ACMSD: variants seen among roughly 807,000 people sequenced by gnomAD.
ACMSD encodes the protein 2-amino-3-carboxymuconate-6-semialdehyde decarboxylase.
ACMSD carries 37 observed loss-of-function variants against 45.9 expected under a neutral mutation model. The ratio of observed to expected loss-of-function variants is 0.81; its 90% CI spans 0.62 to 1.06. The LOEUF is 1.06. ACMSD is among the 50% of genes least tolerant of loss of function. The probability of loss-of-function intolerance (pLI) is 0.00; values close to 1 mark genes in which losing one functional copy is unlikely to be tolerated. For synonymous variants in ACMSD, 138 were observed against 148.8 expected, an observed-to-expected ratio of 0.93 and a Z score of 0.53; for missense variants, 434 against 420.9, an observed-to-expected ratio of 1.03 and a Z score of -0.27.
At chr2:134,855,964 C>T (rs566324584) in intron 2 of ACMSD, among the ~76,000 whole-genome samples, 1 of 152,306 alleles carries the variant, frequency 6.6e-6, no homozygotes, top group South Asian at 2.1e-4. Context: ...CCCACTTGGA[C>T]ATTCTATGGG....
chr2:134,863,689 C>A (rs1462484069), intron 5 of ACMSD, 58 bp downstream of exon 5: 8 of 1,568,620 alleles, frequency 5.1e-6, no homozygotes, highest in South Asian at 2.2e-5. Context: ...CCGGGGGCAC[C>A]GCTGGGTGCT....
intron 2 of ACMSD, among the ~76,000 whole-genome samples, chr2:134,850,280 TTTTC>T (rs77931403): frequency 8.9e-6 from 1 of 112,708 alleles, no homozygotes; most frequent in Non-Finnish European, 1.8e-5. Flanking sequence ...TTTTTTTTTT[TTTTC>T]TGAGATGGAG....
chr2:134,856,944 T>C (rs373829439), intron 2 of ACMSD, among the ~76,000 whole-genome samples: 1 of 152,302 alleles, frequency 6.6e-6, no homozygotes, highest in East Asian at 1.9e-4. Context: ...ATTGGAATTT[T>C]GGGGGGCATT....
intron 2 of ACMSD, among the ~76,000 whole-genome samples, chr2:134,848,017 A>G (rs1687162215): frequency 6.6e-6 from 1 of 151,900 alleles, no homozygotes. Context: ...ATGCCCAGCT[A>G]ATTTTGTATT....
chr2:134,885,126 G>A (rs1427477193), intron 8 of ACMSD, among the ~76,000 whole-genome samples: 1 of 148,832 alleles, frequency 6.7e-6, no homozygotes, highest in Non-Finnish European at 1.5e-5. Context: ...AGCCTCGGAG[G>A]CAGAAGTTGC....
chr2:134,845,477 G>A (rs1224214102), intron 2 of ACMSD, among the ~76,000 whole-genome samples, 200 bp downstream of exon 2: 1 of 147,604 alleles, frequency 6.8e-6, no homozygotes, highest in Non-Finnish European at 1.5e-5. Context: ...TATTTAGGAA[G>A]ATAAAATTGG....
At chr2:134,892,715 T>C (rs1427448026) in intron 8 of ACMSD, among the ~76,000 whole-genome samples, 1 of 152,024 alleles carries the variant, frequency 6.6e-6, no homozygotes, top group African/African-American at 2.4e-5. Flanking sequence ...GGATGGAAAG[T>C]TGATCTGGAA....
At chr2:134,875,791 A>G (rs1688703755) in intron 8 of ACMSD, among the ~76,000 whole-genome samples, 1 of 152,210 alleles carries the variant, frequency 6.6e-6, no homozygotes, top group Non-Finnish European at 1.5e-5. Flanking sequence ...TTGGTAACCT[A>G]CCGCTGCATA....
Position 134,886,233 on chromosome 2 carries a change from C to CATTATTATTATT in ACMSD, c.850-12104_850-12093dup, listed in dbSNP as rs1170785128. ...TACTTGGCAAAATTCATTACCCATT[C>CATTATTATTATT]ATTATTATTATTATTTTTTTTTTTT... On this transcript the variant is annotated intron_variant, in intron 8 of 9. Coordinates refer to ENST00000356140, the MANE Select transcript of ACMSD (RefSeq NM_138326.3). Among the ~76,000 whole-genome samples the CATTATTATTATT allele has an allele frequency of 1.7e-3, 216 of 128,146 alleles. 5 individuals are homozygous for CATTATTATTATT. The highest frequency in any genetic ancestry group is 4.6e-3 in the African/African-American group (143 of 31,306). 84.1% of individuals were successfully genotyped at this position (128,146 alleles called of 152,430 possible).
At chr2:134,845,509 G>GTCTCTCTCTC (rs59782657) in intron 2 of ACMSD, among the ~76,000 whole-genome samples, 1,354 of 94,382 alleles carry the variant, frequency 0.014, 18 homozygotes, top group Middle Eastern at 0.028. Flanking sequence ...ACATTAAAAG[G>GTCTCTCTCTC]TCTCTCTCTC....
At chr2:134,843,954 T>A (rs17322550) in intron 1 of ACMSD, among the ~76,000 whole-genome samples, 33,521 of 152,198 alleles carry the variant, frequency 0.22, 4,117 homozygotes, top group Middle Eastern at 0.58. Context: ...CACGCAATGA[T>A]GTGGCCCTTC....
intron 1 of ACMSD, among the ~76,000 whole-genome samples, chr2:134,839,354 T>C (rs1311251780): frequency 2.6e-5 from 4 of 152,212 alleles, no homozygotes; most frequent in Non-Finnish European, 4.4e-5. Flanking sequence ...TGACATCTCC[T>C]AAGAGAGTAT....
intron 8 of ACMSD, among the ~76,000 whole-genome samples, chr2:134,876,508 T>A (rs551659727): frequency 6.6e-6 from 1 of 152,282 alleles, no homozygotes; most frequent in South Asian, 2.1e-4. Context: ...AGGGTAAGGA[T>A]CATCGTCACT....
At chr2:134,884,707 G>T (rs1370308202) in intron 8 of ACMSD, among the ~76,000 whole-genome samples, 1 of 152,102 alleles carries the variant, frequency 6.6e-6, no homozygotes, top group Non-Finnish European at 1.5e-5. Flanking sequence ...GTTTCATACA[G>T]CAATGAGTAC....
intron 8 of ACMSD, among the ~76,000 whole-genome samples, chr2:134,892,864 A>G (rs1319930097): frequency 1.3e-5 from 2 of 152,218 alleles, no homozygotes; most frequent in African/African-American, 4.8e-5. Flanking sequence ...CAATATTAGC[A>G]TAACATGCTG....
intron 2 of ACMSD, among the ~76,000 whole-genome samples, chr2:134,846,126 G>A (rs1429025324): frequency 1.3e-5 from 2 of 152,140 alleles, no homozygotes; most frequent in African/African-American, 4.8e-5. Context: ...AGGCAGGGAG[G>A]CTTGCCCAGG....
At chr2:134,879,200 G>A (rs140612921) in intron 8 of ACMSD, among the ~76,000 whole-genome samples, 3 of 152,146 alleles carry the variant, frequency 2.0e-5, no homozygotes, top group African/African-American at 7.2e-5. Context: ...TCAGGGGTTG[G>A]GGACCCCTGT....
chr2:134,877,884 G>A (rs572586174), intron 8 of ACMSD, among the ~76,000 whole-genome samples: 7 of 152,102 alleles, frequency 4.6e-5, no homozygotes, highest in Non-Finnish European at 1.0e-4. Context: ...CTTTTGAAGG[G>A]AGGCTTATCA....
chr2:134,863,989 C>T (rs191393020), intron 5 of ACMSD, among the ~76,000 whole-genome samples: 1 of 152,098 alleles, frequency 6.6e-6, no homozygotes, highest in Admixed American at 6.5e-5. Context: ...TATATTTTGG[C>T]CAGGTGCAGC....
Sources: gnomAD v4.1 joint callset for allele counts (sites outside exome capture counted in the v4.1 genomes callset) on GRCh38, gnomAD v4.1.1 for gene constraint, MANE v1.5 for transcripts, NCBI Gene and HGNC (gene_info 2026-07-23, HGNC 2026-07-21) for gene names.